Variants in SYT12 observed in about 807,000 individuals in gnomAD.
The protein encoded by SYT12 is synaptotagmin-12.
Under a neutral mutation model 39.5 loss-of-function variants are expected in SYT12, and 27 were observed. That is an observed-to-expected ratio of 0.68 (90% CI 0.50 to 0.94). SYT12 has a LOEUF of 0.94. Among genes scored for constraint, SYT12 ranks in the 40% least tolerant of loss-of-function variants. The pLI is 0.00. For missense variants in SYT12, 536 were observed against 572.6 expected (o/e 0.94, Z 0.65); for synonymous variants, 233 against 239.7 (o/e 0.97, Z 0.26).
rs1950180211 is a variant in SYT12, at chr11:67,026,328, A to G, written c.-24+2868A>G. On this transcript the variant is annotated intron_variant, in intron 1 of 7. Coordinates refer to ENST00000527043, the MANE Select transcript of SYT12 (RefSeq NM_177963.4). ...GCTCTTGTTGCCCAGGCTGGAGTGC[A>G]GTGGTGCGATCTTGGCTCACTGCAA... Among the ~76,000 whole-genome samples, 3 of 151,546 alleles carry G rather than the reference A, an allele frequency of 2.0e-5. No individual in the cohort carries two copies. In the South Asian group the frequency reaches 6.2e-4, roughly 32 times the overall value.
At chr11:67,015,712 T>C (rs1228103202) in intron 3 of SYT12, among the ~76,000 whole-genome samples, 2 of 152,166 alleles carry the variant, frequency 1.3e-5, no homozygotes, top group African/African-American at 2.4e-5. Context: ...GTTTGGGACA[T>C]GTGTGACACT....
At chr11:67,025,681 C>T (rs1337646206) in intron 1 of SYT12, among the ~76,000 whole-genome samples, 1 of 152,084 alleles carries the variant, frequency 6.6e-6, no homozygotes, top group East Asian at 1.9e-4. Flanking sequence ...TGAGCAAAGC[C>T]CTTGAGAAGG....
upstream of SYT12, chr11:67,022,854 A>T (rs1190398303): frequency 6.6e-6 from 1 of 152,178 alleles, no homozygotes; most frequent in Non-Finnish European, 1.5e-5. Flanking sequence ...AAAAGGGGAA[A>T]CTTTCCGCTG....
intron 3 of SYT12, 31 bp from the exon 4 acceptor site, chr11:67,039,780 A>T (rs138170426): frequency 0.015 from 23,971 of 1,575,396 alleles, 226 homozygotes; most frequent in Non-Finnish European, 0.018. Context: ...GGCCCCCATG[A>T]TGCTCCCACG....
At chr11:67,017,311 C>T (rs1020933119) in intron 3 of SYT12, among the ~76,000 whole-genome samples, 5 of 151,462 alleles carry the variant, frequency 3.3e-5, no homozygotes, top group African/African-American at 9.7e-5. Context: ...CATTTGAGCC[C>T]GGGAGTTCAA....
chr11:67,040,846 T>A (rs1387806052), intron 4 of SYT12, among the ~76,000 whole-genome samples: 4 of 146,328 alleles, frequency 2.7e-5, no homozygotes, highest in Non-Finnish European at 6.0e-5. Context: ...TCAAAATAAA[T>A]AAATAAATAA....
intron 3 of SYT12, among the ~76,000 whole-genome samples, chr11:67,037,526 C>A (rs1950404124): frequency 6.6e-6 from 1 of 150,520 alleles, no homozygotes. Flanking sequence ...GCCTGGGCAA[C>A]AAAGCAAGAT....
chr11:67,013,481 C>T (rs1950029532), intron 3 of SYT12, among the ~76,000 whole-genome samples: 1 of 152,208 alleles, frequency 6.6e-6, no homozygotes, highest in Non-Finnish European at 1.5e-5. Context: ...TCAGCCAGGG[C>T]TCCTGCCTCT....
Position 67,044,713 on chromosome 11 carries a change from G to A in SYT12, c.958G>A (p.Asp320Asn), listed in dbSNP as rs1445640600. Residue 320 changes from aspartate (D) to asparagine (N), a missense_variant and splice_region_variant, in exon 6 of 8, where the codon GAC becomes AAC. By Grantham distance (23) the Asp-to-Asn change is conservative. Transcript: ENST00000527043. ...LIWTNDKTTA[D>N]PFVKVYLLQD... is the part of the protein sequence containing the mutation. ...CTGGACCAACGACAAGACCACAGCGGGTAAGGCCCAGCCGGCAGCCCGGCT... is the reference window on the plus strand; with the variant it reads ...CTGGACCAACGACAAGACCACAGCGAGTAAGGCCCAGCCGGCAGCCCGGCT... 3 of 1,613,536 alleles carry A rather than the reference G, an allele frequency of 1.9e-6. No homozygotes were observed. The highest frequency in any genetic ancestry group is 1.1e-5 in the South Asian group (1 of 91,004).
At position 67,039,837 on chromosome 11, in the gene SYT12, G is replaced by A. The variant is rs1469319739; in HGVS notation, c.255G>A (p.Arg85=). The change falls in exon 4 of 8, where the codon CGG becomes CGA. Residue 85 remains arginine (R), a synonymous_variant. Transcript: ENST00000527043. ...EKRVPAWNAQ[R]ASTRGPPSRK... ...GAGTGCCTGCCTGGAATGCCCAGCG[G>A]GCCAGCACGCGGGGACCACCCAGCC... 6.2e-7 allele frequency: 1 copy of A among 1,612,184 alleles called. No individual in the cohort carries two copies.
At chr11:67,016,765 A>G (rs1950062503) in intron 3 of SYT12, among the ~76,000 whole-genome samples, 1 of 151,996 alleles carries the variant, frequency 6.6e-6, no homozygotes, top group Non-Finnish European at 1.5e-5. Context: ...CATTCCCAAG[A>G]GGCCCTCAGC....
intron 3 of SYT12, among the ~76,000 whole-genome samples, chr11:67,011,858 C>A (rs1279550785): frequency 6.6e-6 from 1 of 151,532 alleles, no homozygotes; most frequent in Non-Finnish European, 1.5e-5. Context: ...CTCTGCCTCC[C>A]GGGTTCAAGC....
Position 67,034,881 on chromosome 11 carries a change from A to G in SYT12, c.228+43A>G, listed in dbSNP as rs759351711. The G allele has an allele frequency of 6.3e-6, 9 of 1,434,464 alleles. No individual in the cohort carries two copies. In the African/African-American group the frequency reaches 7.4e-5, roughly 12 times the overall value. 88.9% of individuals were successfully genotyped at this position (1,434,464 alleles called of 1,614,324 possible). ...GCAGGTGCACAGCGAGTGCAACCCC[A>G]TGCCCCTACCATCCACTCAGATCAG... On this transcript the variant is annotated intron_variant, in intron 3 of 7. Coordinates refer to ENST00000527043, the MANE Select transcript of SYT12 (RefSeq NM_177963.4).
At chr11:67,008,100 C>T (rs1435032562) in intron 1 of SYT12, among the ~76,000 whole-genome samples, 6 of 150,470 alleles carry the variant, frequency 4.0e-5, no homozygotes, top group East Asian at 2.0e-4. Flanking sequence ...ACTAGAGGCG[C>T]GTGCCACCAC....
At chr11:67,047,184 T>C (rs1276295346) in intron 7 of SYT12, among the ~76,000 whole-genome samples, 2 of 150,934 alleles carry the variant, frequency 1.3e-5, no homozygotes, top group East Asian at 2.0e-4. Context: ...AGGCTGGTCT[T>C]AAACTCCCAA....
At chr11:67,017,257 C>T (rs1204133094) in intron 3 of SYT12, among the ~76,000 whole-genome samples, 3 of 152,102 alleles carry the variant, frequency 2.0e-5, no homozygotes, top group Non-Finnish European at 4.4e-5. Flanking sequence ...TATGGTGGCT[C>T]ACACCTGTAA....
chr11:67,009,163 G>A (rs192469219), intron 1 of SYT12, among the ~76,000 whole-genome samples: 7 of 151,980 alleles, frequency 4.6e-5, no homozygotes, highest in Non-Finnish European at 5.9e-5. Context: ...GTGCTACCAC[G>A]CCTAGCTAAT....
intron 3 of SYT12, among the ~76,000 whole-genome samples, chr11:67,015,471 T>C (rs886438927): frequency 6.7e-6 from 1 of 148,616 alleles, no homozygotes; most frequent in Admixed American, 6.7e-5. Flanking sequence ...GAGGCGGTGG[T>C]GGGGGGTTGT....
chr11:67,028,254 G>A (rs1950208356), intron 1 of SYT12: 4 of 152,194 alleles, frequency 2.6e-5, no homozygotes, highest in East Asian at 3.9e-4. Flanking sequence ...GGCTCGACAA[G>A]GTTCTCTATT....
Sources: gnomAD v4.1 joint callset for allele counts (sites outside exome capture counted in the v4.1 genomes callset) on GRCh38, gnomAD v4.1.1 for gene constraint, MANE v1.5 for transcripts, NCBI Gene and HGNC (gene_info 2026-07-23, HGNC 2026-07-21) for gene names.